Variants in SEC24A observed in about 807,000 individuals in gnomAD.
The protein encoded by SEC24A is SEC24 homolog A, COPII component.
A neutral mutation model predicts 129.4 loss-of-function variants in SEC24A; 93 were observed. That is an observed-to-expected ratio of 0.72 (90% CI 0.61 to 0.85). The LOEUF is 0.85. Ranked by LOEUF, SEC24A falls within the 40% of genes least tolerant of loss-of-function variation. The probability of loss-of-function intolerance (pLI) is 0.00; values close to 1 mark genes in which losing one functional copy is unlikely to be tolerated. For missense variants in SEC24A, 1,264 were observed against 1,307.4 expected, an observed-to-expected ratio of 0.97 and a Z score of 0.51; for synonymous variants, 460 against 467.3, an observed-to-expected ratio of 0.98 and a Z score of 0.20.
At chr5:134,665,273 G>A (rs1468068686) in intron 2 of SEC24A, among the ~76,000 whole-genome samples, 1 of 150,880 alleles carries the variant, frequency 6.6e-6, no homozygotes, top group African/African-American at 2.4e-5. Flanking sequence ...GGCCAATATG[G>A]TGAAACCCCA....
At chr5:134,679,783 T>A in intron 8 of SEC24A, 55 bp downstream of exon 8, 1 of 1,402,996 alleles carries the variant, frequency 7.1e-7, no homozygotes, top group Non-Finnish European at 9.6e-7. Context: ...TGTAGGGAAA[T>A]CAGATGATAC....
chr5:134,661,821 C>CTTTTTTTT (rs70976551), intron 2 of SEC24A, among the ~76,000 whole-genome samples: 3 of 77,850 alleles, frequency 3.9e-5, no homozygotes, highest in African/African-American at 4.7e-5. Context: ...TCTTTTTTCT[C>CTTTTTTTT]TTTTTTTTTT....
intron 15 of SEC24A, 92 bp downstream of exon 15, chr5:134,698,149 C>G: frequency 9.2e-7 from 1 of 1,088,768 alleles, no homozygotes; most frequent in East Asian, 2.4e-5. Context: ...GATTGCCCTT[C>G]TGAGATACTT....
chr5:134,679,557 A>T lies in SEC24A; in HGVS notation c.1255-45A>T, dbSNP rs746222560. The T allele has an allele frequency of 2.1e-6, 3 of 1,400,206 alleles. No homozygotes were observed. The Admixed American group carries it at 5.7e-5, about 26-fold the overall frequency. 86.7% of individuals were successfully genotyped at this position (1,400,206 alleles called of 1,614,324 possible). ...GATTCATGCTTATGTTTTCAACATG[A>T]TGATTTTTGCCTTTAAAAATTTAAT... On this transcript the variant is annotated intron_variant, in intron 7 of 22. Transcript: ENST00000398844.
intron 8 of SEC24A, among the ~76,000 whole-genome samples, chr5:134,680,899 G>C (rs986052460): frequency 6.6e-6 from 1 of 152,096 alleles, no homozygotes; most frequent in Non-Finnish European, 1.5e-5. Context: ...AGGAGTTCGA[G>C]ATCAGTGTGG....
intron 15 of SEC24A, among the ~76,000 whole-genome samples, chr5:134,700,562 A>G (rs1751974979): frequency 1.3e-5 from 2 of 151,220 alleles, no homozygotes; most frequent in African/African-American, 4.9e-5. Flanking sequence ...TATGAAATCT[A>G]TAACAAAAAA....
At chr5:134,653,424 G>A (rs534301839) in intron 1 of SEC24A, among the ~76,000 whole-genome samples, 20 of 151,850 alleles carry the variant, frequency 1.3e-4, no homozygotes, top group Non-Finnish European at 2.1e-4. Flanking sequence ...TAACTAAACA[G>A]TTTTTTTTAG....
At position 134,708,709 on chromosome 5, in the gene SEC24A, T is replaced by A; in HGVS notation, c.2552-4T>A. ...TTTTTTGTCCTTACCCTCACCTTGCTTAGCTGTTGACAGATCTATGACTGC... is the reference window on the plus strand; with the variant it reads ...TTTTTTGTCCTTACCCTCACCTTGCATAGCTGTTGACAGATCTATGACTGC... On this transcript the variant is annotated splice_region_variant and splice_polypyrimidine_tract_variant and intron_variant, in intron 17 of 22. Transcript: ENST00000398844. The A allele has an allele frequency of 6.2e-7, 1 of 1,609,390 alleles. No individual in the cohort carries two copies. The highest frequency in any genetic ancestry group is 1.1e-5 in the South Asian group (1 of 90,014).
intron 1 of SEC24A, among the ~76,000 whole-genome samples, chr5:134,650,706 C>G (rs1243095195): frequency 4.0e-5 from 6 of 151,814 alleles, no homozygotes; most frequent in Non-Finnish European, 7.4e-5. Flanking sequence ...ACCCAGACCT[C>G]TTTTTTAAAA....
chr5:134,706,249 G>A (rs572356001), intron 17 of SEC24A, among the ~76,000 whole-genome samples: 17 of 152,248 alleles, frequency 1.1e-4, no homozygotes, highest in African/African-American at 3.1e-4. Flanking sequence ...GAGAAGCAGT[G>A]TACCATAAAG....
At chr5:134,649,256 TAGAGAG>T in intron 1 of SEC24A, 83 bp downstream of exon 1, 1 of 1,016,606 alleles carries the variant, frequency 9.8e-7, no homozygotes, top group Non-Finnish European at 1.4e-6. Flanking sequence ...GCGACATAGA[TAGAGAG>T]AGTGACCTCC....
Position 134,718,193 on chromosome 5 carries a change from C to T in SEC24A, c.2970+20C>T, listed in dbSNP as rs748315651. The T allele has an allele frequency of 1.3e-6, 2 of 1,501,952 alleles. No individual in the cohort carries two copies. Among genetic ancestry groups the T allele is most frequent in the South Asian group, 2.3e-5 (2 of 88,842 alleles). 93.0% of individuals were successfully genotyped at this position (1,501,952 alleles called of 1,614,324 possible). On this transcript the variant is annotated intron_variant, in intron 20 of 22. Coordinates refer to ENST00000398844, the MANE Select transcript of SEC24A (RefSeq NM_021982.3). The stretch of plus-strand genomic sequence containing the variant: ...GGCTCTGTAAGTAATTTGACTTATC[C>T]TGACCCTCACTGCAAACTACTATAC...
Position 134,682,498 on chromosome 5 carries a change from T to G in SEC24A, c.1491+16T>G, listed in dbSNP as rs1029776011. On this transcript the variant is annotated intron_variant, in intron 9 of 22. Transcript: ENST00000398844. ...AGAATACATGGTAAACTTTTATTTT[T>G]TGATACAGTATACCCATTTTTTATT... 3.8e-6 allele frequency: 5 copies of G among 1,318,582 alleles called. No individual in the cohort carries two copies. Among genetic ancestry groups the G allele is most frequent in the Non-Finnish European group, 4.4e-6 (4 of 914,908 alleles). 81.7% of individuals were successfully genotyped at this position (1,318,582 alleles called of 1,614,324 possible). A position where few individuals can be genotyped will look rare whatever the true frequency, so the allele number is the denominator to read the frequency against.
At position 134,723,263 on chromosome 5, in the gene SEC24A, C is replaced by T. The variant is rs149274130; in HGVS notation, c.3064-304C>T. On this transcript the variant is annotated intron_variant, in intron 21 of 22. Transcript: ENST00000398844. ...GGTGTATCGCCTGAGCCCAGGAGTTCGAAATCAGCCTGGGCAACATGGCAA... is the reference window on the plus strand; with the variant it reads ...GGTGTATCGCCTGAGCCCAGGAGTTTGAAATCAGCCTGGGCAACATGGCAA... Among the ~76,000 whole-genome samples, 1,154 of 151,878 alleles carry T rather than the reference C, an allele frequency of 7.6e-3. 6 individuals carry two copies. The highest frequency in any genetic ancestry group is 0.041 in the Middle Eastern group (12 of 294).
At chr5:134,697,555 A>G (rs920115841) in intron 14 of SEC24A, among the ~76,000 whole-genome samples, 1 of 152,144 alleles carries the variant, frequency 6.6e-6, no homozygotes, top group East Asian at 1.9e-4. Context: ...CCTGGGCAAC[A>G]TAGGAAGACC....
At chr5:134,684,980 A>G (rs780944344) in intron 9 of SEC24A, among the ~76,000 whole-genome samples, 13 of 152,190 alleles carry the variant, frequency 8.5e-5, no homozygotes, top group Non-Finnish European at 1.5e-4. Context: ...TGATACATGC[A>G]AAAATATATA....
intron 1 of SEC24A, among the ~76,000 whole-genome samples, chr5:134,659,086 T>TATTTATTTATTTATTG (rs1462758721): frequency 6.6e-6 from 1 of 151,054 alleles, no homozygotes; most frequent in Admixed American, 6.6e-5. Flanking sequence ...TTTATTTATT[T>TATTTATTTATTTATTG]ATTGAGATGG....
intron 7 of SEC24A, among the ~76,000 whole-genome samples, 170 bp downstream of exon 7, chr5:134,676,295 G>A (rs979517462): frequency 6.6e-6 from 1 of 151,744 alleles, no homozygotes; most frequent in Admixed American, 6.6e-5. Context: ...GCCTGCCACC[G>A]TGCCTGGCTA....
At chr5:134,663,384 G>T (rs1750541495) in intron 2 of SEC24A, among the ~76,000 whole-genome samples, 1 of 152,052 alleles carries the variant, frequency 6.6e-6, no homozygotes, top group Non-Finnish European at 1.5e-5. Context: ...TAAAGTTCTG[G>T]GATTACAGGT....
Sources: allele counts gnomAD v4.1 joint callset (sites outside exome capture counted in the v4.1 genomes callset), GRCh38; gene constraint gnomAD v4.1.1; transcripts MANE v1.5; gene names NCBI Gene and HGNC (gene_info 2026-07-23, HGNC 2026-07-21).